AREL1: variants seen among roughly 807,000 people sequenced by gnomAD.
The protein encoded by AREL1 is apoptosis resistant E3 ubiquitin protein ligase 1.
Under a neutral mutation model 99.0 loss-of-function variants are expected in AREL1, and 62 were observed. That is an observed-to-expected ratio of 0.63 (90% CI 0.51 to 0.77). AREL1 has a LOEUF of 0.77. AREL1 is among the 30% of genes least tolerant of loss of function. The probability of loss-of-function intolerance (pLI) is 0.00; values close to 1 mark genes in which losing one functional copy is unlikely to be tolerated. For missense variants in AREL1, 879 were observed against 1,027.6 expected, an observed-to-expected ratio of 0.86 and a Z score of 1.98; for synonymous variants, 380 against 376.5, an observed-to-expected ratio of 1.01 and a Z score of -0.11.
intron 1 of AREL1, among the ~76,000 whole-genome samples, chr14:74,709,346 T>C (rs1240243239): frequency 1.3e-5 from 2 of 152,258 alleles, no homozygotes; most frequent in South Asian, 2.1e-4. Flanking sequence ...GGTACTAATA[T>C]GTTGATAGTA....
intron 1 of AREL1, among the ~76,000 whole-genome samples, chr14:74,700,760 A>G (rs539867828): frequency 6.6e-6 from 1 of 152,380 alleles, no homozygotes; most frequent in African/African-American, 2.4e-5. Flanking sequence ...AGTCTGGGCG[A>G]CAGAGCGAGA....
intron 2 of AREL1, among the ~76,000 whole-genome samples, chr14:74,689,844 C>A (rs111417364): frequency 2.0e-5 from 3 of 151,796 alleles, no homozygotes; most frequent in Non-Finnish European, 4.4e-5. Flanking sequence ...GATCCGCCTG[C>A]CTCAGCCTCC....
At chr14:74,711,834 C>G (rs2090297389) in intron 1 of AREL1, 1 of 151,916 alleles carries the variant, frequency 6.6e-6, no homozygotes, top group South Asian at 2.1e-4. Flanking sequence ...AGGATTTTAA[C>G]CCCATCAGTC....
intron 1 of AREL1, among the ~76,000 whole-genome samples, chr14:74,709,322 C>T (rs117813953): frequency 0.016 from 2,463 of 152,218 alleles, 34 homozygotes; most frequent in Non-Finnish European, 0.024. Flanking sequence ...GTCATAAAAT[C>T]TGATCTATTA....
intron 1 of AREL1, among the ~76,000 whole-genome samples, chr14:74,706,336 C>T (rs2090178975): frequency 6.6e-6 from 1 of 152,160 alleles, no homozygotes; most frequent in Admixed American, 6.5e-5. Flanking sequence ...GCAGCCCAGT[C>T]GGGTGGAACT....
At chr14:74,674,286 T>C (rs1416889773) in intron 8 of AREL1, among the ~76,000 whole-genome samples, 175 bp from the exon 9 acceptor site, 1 of 152,142 alleles carries the variant, frequency 6.6e-6, no homozygotes, top group African/African-American at 2.4e-5. Flanking sequence ...ACTCTCTATT[T>C]AAAAAGGCAA....
chr14:74,676,103 G>A (rs757763472), intron 7 of AREL1, 38 bp downstream of exon 7: 2 of 1,592,868 alleles, frequency 1.3e-6, no homozygotes, highest in South Asian at 1.1e-5. Flanking sequence ...AGAAACGGCT[G>A]AAGAACAGCA....
intron 1 of AREL1, among the ~76,000 whole-genome samples, chr14:74,696,911 C>T (rs561276758): frequency 7.9e-5 from 12 of 152,214 alleles, no homozygotes; most frequent in African/African-American, 2.6e-4. Flanking sequence ...TTGTAGTGAG[C>T]CAAGATTGCG....
Position 74,683,534 on chromosome 14 carries a change from C to A in AREL1, c.244-1G>T. 1 of 1,613,794 alleles carries A rather than the reference C, an allele frequency of 6.2e-7. No homozygotes were observed. The highest frequency in any genetic ancestry group is 8.5e-7 in the Non-Finnish European group (1 of 1,179,758). ...AAGGCTGCCCGTTCTTATAGAATAA[C>A]TGCCATGGGGAGAAGAAGGACACCT... On this transcript the variant is annotated splice_acceptor_variant, in intron 4 of 19. Transcript: ENST00000356357. LOFTEE classifies it high-confidence loss of function.
chr14:74,708,537 G>A (rs1010775086), intron 1 of AREL1, among the ~76,000 whole-genome samples: 1 of 152,040 alleles, frequency 6.6e-6, no homozygotes, highest in Non-Finnish European at 1.5e-5. Flanking sequence ...GACAAGAGAG[G>A]GGTTAAAATA....
intron 2 of AREL1, among the ~76,000 whole-genome samples, chr14:74,688,716 A>T (rs991592782): frequency 6.6e-6 from 1 of 152,148 alleles, no homozygotes; most frequent in South Asian, 2.1e-4. Flanking sequence ...CCACCCCCAT[A>T]GTATTTACTG....
intron 1 of AREL1, among the ~76,000 whole-genome samples, chr14:74,709,445 C>A (rs890930948): frequency 1.3e-5 from 2 of 152,150 alleles, no homozygotes; most frequent in African/African-American, 4.8e-5. Context: ...TATTTCAACT[C>A]CCACATCTCT....
intron 1 of AREL1, among the ~76,000 whole-genome samples, chr14:74,711,166 G>A (rs2090275408): frequency 6.6e-6 from 1 of 151,328 alleles, no homozygotes; most frequent in Non-Finnish European, 1.5e-5. Flanking sequence ...GGGAGGTGGA[G>A]GTTGCAGTGA....
chr14:74,675,911 T>C lies in AREL1; in HGVS notation c.868A>G (p.Thr290Ala), dbSNP rs745919811. The change falls in exon 8 of 20, where the codon ACT becomes GCT. Residue 290 changes from threonine to alanine, a missense_variant. Physicochemically the swap from Thr to Ala is moderately conservative, Grantham distance 58 (BLOSUM62 0). Coordinates refer to ENST00000356357, the MANE Select transcript of AREL1 (RefSeq NM_001039479.2). ...EKNIVERNVS[T>A]SGVSIYFEAY... Reference sequence around the variant, plus strand: ...TCAAAGTAAATGCTCACGCCTGAAGTGGACACATTGCGTTCGACGATATTC... The same window carrying C: ...TCAAAGTAAATGCTCACGCCTGAAGCGGACACATTGCGTTCGACGATATTC... 6.2e-7 allele frequency: 1 copy of C among 1,608,078 alleles called. No individual in the cohort carries two copies. Among genetic ancestry groups the C allele is most frequent in the Middle Eastern group, 1.7e-4 (1 of 6,034 alleles).
intron 1 of AREL1, among the ~76,000 whole-genome samples, chr14:74,703,958 T>C (rs1446705191): frequency 2.0e-5 from 3 of 152,220 alleles, no homozygotes; most frequent in Admixed American, 6.5e-5. Context: ...CCACCAGCAA[T>C]GCACAAGAGG....
At chr14:74,707,312 G>A (rs1185850895) in intron 1 of AREL1, among the ~76,000 whole-genome samples, 1 of 151,524 alleles carries the variant, frequency 6.6e-6, no homozygotes, top group Non-Finnish European at 1.5e-5. Flanking sequence ...AAGTGGCAGT[G>A]AGCCAAAATG....
intron 5 of AREL1, among the ~76,000 whole-genome samples, chr14:74,680,350 A>G (rs1566688254): frequency 1.3e-5 from 2 of 152,320 alleles, no homozygotes; most frequent in East Asian, 3.9e-4. Context: ...TAAAAGCACA[A>G]TGAGATACCA....
intron 17 of AREL1, among the ~76,000 whole-genome samples, chr14:74,665,336 C>T (rs1392202190): frequency 6.6e-6 from 1 of 151,566 alleles, no homozygotes; most frequent in African/African-American, 2.4e-5. Context: ...ACCTCTCCAC[C>T]TTGCATGCTC....
At chr14:74,699,366 TGTGTGTGTGTGAGA>T (rs1454138857) in intron 1 of AREL1, among the ~76,000 whole-genome samples, 1 of 129,564 alleles carries the variant, frequency 7.7e-6, no homozygotes, top group Non-Finnish European at 1.7e-5. Context: ...TGTGTGTGTG[TGTGTGTGTGTGAGA>T]GAGAGAGAGA....
Sources: allele counts gnomAD v4.1 joint callset (sites outside exome capture counted in the v4.1 genomes callset), GRCh38; gene constraint gnomAD v4.1.1; transcripts MANE v1.5; gene names NCBI Gene and HGNC (gene_info 2026-07-23, HGNC 2026-07-21).